Variants in ENKUR observed in about 807,000 individuals in gnomAD.
ENKUR encodes enkurin, TRPC channel interacting protein.
A neutral mutation model predicts 27.6 loss-of-function variants in ENKUR; 19 were observed. That is an observed-to-expected ratio of 0.69 (90% CI 0.48 to 1.01). The LOEUF is 1.01. Ranked by LOEUF, ENKUR falls within the 50% of genes least tolerant of loss-of-function variation. ENKUR has a pLI of 0.00. For synonymous variants in ENKUR, 117 were observed against 96.9 expected (o/e 1.21, Z -1.22); for missense variants, 312 against 310.5 (o/e 1.00, Z -0.04).
intron 2 of ENKUR, among the ~76,000 whole-genome samples, chr10:25,022,925 T>TA (rs1280401834): frequency 6.6e-6 from 1 of 152,226 alleles, no homozygotes; most frequent in Non-Finnish European, 1.5e-5. Context: ...TTTTTATAGT[T>TA]ACAAATTTTG....
chr10:25,044,248 A>G (rs1588683221), intron 2 of ENKUR, among the ~76,000 whole-genome samples: 1 of 152,174 alleles, frequency 6.6e-6, no homozygotes, highest in African/African-American at 2.4e-5. Context: ...TTTCTTGCAT[A>G]TAACTTTGAA....
At chr10:24,986,438 GTTC>G (rs1311621179) in intron 4 of ENKUR, among the ~76,000 whole-genome samples, 1 of 152,156 alleles carries the variant, frequency 6.6e-6, no homozygotes, top group African/African-American at 2.4e-5. Flanking sequence ...AGGCTACACA[GTTC>G]TTGACAGTGT....
At chr10:24,990,222 T>C (rs1046256926) in intron 4 of ENKUR, among the ~76,000 whole-genome samples, 4 of 152,234 alleles carry the variant, frequency 2.6e-5, no homozygotes. Flanking sequence ...ACAACACTAG[T>C]TCAGGAAAAA....
intron 1 of ENKUR, among the ~76,000 whole-genome samples, chr10:25,013,489 T>C (rs904486187): frequency 6.6e-6 from 1 of 152,228 alleles, no homozygotes; most frequent in Non-Finnish European, 1.5e-5. Flanking sequence ...ACTGTCAAAA[T>C]GCTTATGGAA....
At chr10:25,024,966 TA>T in intron 2 of ENKUR, 3 of 1,614,154 alleles carry the variant, frequency 1.9e-6, no homozygotes, top group Non-Finnish European at 2.5e-6. Context: ...TGATGGCTAA[TA>T]AAGATGGACA....
intron 2 of ENKUR, among the ~76,000 whole-genome samples, chr10:25,036,975 A>G (rs995689085): frequency 2.0e-5 from 3 of 152,246 alleles, no homozygotes; most frequent in Non-Finnish European, 4.4e-5. Flanking sequence ...GAAGGCAGGC[A>G]TTCTGAGGAA....
intron 1 of ENKUR, among the ~76,000 whole-genome samples, chr10:25,011,225 T>G (rs987867584): frequency 6.6e-6 from 1 of 152,246 alleles, no homozygotes; most frequent in African/African-American, 2.4e-5. Flanking sequence ...ATCTGTCTTT[T>G]GGCTGCATAA....
intron 5 of ENKUR, 56 bp downstream of exon 5, chr10:24,984,680 T>C: frequency 4.0e-6 from 6 of 1,487,372 alleles, no homozygotes; most frequent in Non-Finnish European, 5.4e-6. Context: ...TTTTTATATT[T>C]TCCATGTTTT....
chr10:25,016,659 C>G (rs1183680485), upstream of ENKUR: 1 of 152,454 alleles, frequency 6.6e-6, no homozygotes, highest in African/African-American at 2.4e-5. Context: ...GCAGAGTCCA[C>G]TGCGCGGGGG....
chr10:24,984,506 C>A, intron 5 of ENKUR, 130 bp from the exon 6 acceptor site: 1 of 1,248,602 alleles, frequency 8.0e-7, no homozygotes, highest in South Asian at 1.6e-5. Flanking sequence ...AACACATATT[C>A]TCAAATTTAA....
In ENKUR at chr10:25,016,010, T is replaced by C; in HGVS notation, c.-74A>G. On this transcript the variant is annotated 5_prime_UTR_variant, in exon 1 of 6. Transcript: ENST00000331161. ...CTGTCCCAGTATCTCCGTCCCTTTC[T>C]TCACTGCTTCCCCTTTCTTTCTTCT... The C allele has an allele frequency of 3.9e-6, 6 of 1,542,982 alleles. No individual in the cohort carries two copies. Among genetic ancestry groups the C allele is most frequent in the Non-Finnish European group, 5.2e-6 (6 of 1,145,166 alleles).
At chr10:25,035,595 T>C (rs1213648851) in intron 2 of ENKUR, among the ~76,000 whole-genome samples, 1 of 152,044 alleles carries the variant, frequency 6.6e-6, no homozygotes, top group Non-Finnish European at 1.5e-5. Context: ...TGATTTATAA[T>C]GGTTGCTCTA....
chr10:25,061,207 C>T (rs1465008526), exon 2 of ENKUR: 3 of 1,492,920 alleles, frequency 2.0e-6, no homozygotes, highest in Non-Finnish European at 2.7e-6. Flanking sequence ...TGTGGCCAGG[C>T]CCTGGGCTTT....
chr10:24,991,881 A>G (rs1669475624), intron 3 of ENKUR, among the ~76,000 whole-genome samples: 1 of 152,210 alleles, frequency 6.6e-6, no homozygotes, highest in South Asian at 2.1e-4. Context: ...CGGCTTCAGG[A>G]GCTGTAAACA....
intron 1 of ENKUR, among the ~76,000 whole-genome samples, chr10:25,015,406 T>C (rs1416159760): frequency 2.6e-5 from 4 of 152,144 alleles, no homozygotes; most frequent in African/African-American, 4.8e-5. Context: ...TTATATTTCA[T>C]AAAAATCTTG....
At chr10:24,997,072 C>T (rs1016615393) in intron 2 of ENKUR, among the ~76,000 whole-genome samples, 1 of 151,978 alleles carries the variant, frequency 6.6e-6, no homozygotes, top group Non-Finnish European at 1.5e-5. Flanking sequence ...AACCCTGCTG[C>T]GTGTGGTGTT....
intron 2 of ENKUR, among the ~76,000 whole-genome samples, chr10:25,054,851 G>GT (rs1373307244): frequency 6.6e-6 from 1 of 151,686 alleles, no homozygotes; most frequent in Non-Finnish European, 1.5e-5. Flanking sequence ...TAGTTTTTGT[G>GT]TTTTTGTAGA....
intron 1 of ENKUR, among the ~76,000 whole-genome samples, chr10:25,002,572 A>C (rs1261605919): frequency 6.6e-6 from 1 of 152,118 alleles, no homozygotes; most frequent in African/African-American, 2.4e-5. Context: ...AGAGTCTGAT[A>C]ACTGTTGTTT....
At chr10:25,030,482 A>G (rs186828760) in intron 2 of ENKUR, among the ~76,000 whole-genome samples, 71 of 152,244 alleles carry the variant, frequency 4.7e-4, no homozygotes, top group African/African-American at 1.6e-3. Flanking sequence ...ATTGTTTTTG[A>G]TAAGTATAAT....
Sources: gnomAD v4.1 joint callset for allele counts (sites outside exome capture counted in the v4.1 genomes callset) on GRCh38, gnomAD v4.1.1 for gene constraint, MANE v1.5 for transcripts, NCBI Gene and HGNC (gene_info 2026-07-23, HGNC 2026-07-21) for gene names.